Variants in PARD3B observed in about 807,000 individuals in gnomAD.
The protein encoded by PARD3B is par-3 family cell polarity regulator beta.
A neutral mutation model predicts 130.2 loss-of-function variants in PARD3B; 103 were observed. The ratio of observed to expected loss-of-function variants is 0.79; its 90% CI spans 0.67 to 0.93. PARD3B has a LOEUF of 0.93. PARD3B is among the 40% of genes least tolerant of loss of function. The pLI is 0.00. For missense variants in PARD3B, 1,609 were observed against 1,499.2 expected (o/e 1.07, Z -1.21); for synonymous variants, 583 against 553.2 (o/e 1.05, Z -0.76).
rs374830354 is a variant in PARD3B, at chr2:205,142,044, T to C, written c.1434+16307T>C. Among the ~76,000 whole-genome samples the C allele has an allele frequency of 9.9e-5, 15 of 152,174 alleles. No homozygotes were observed. The highest frequency in any genetic ancestry group is 9.6e-4 in the East Asian group (5 of 5,196). ...AAACATAAAAATGGAGTGGTCTCTG[T>C]TGCCCTTAAAGTCCTTAAAGATGTA... is the stretch of plus-strand genomic sequence containing the variant. On this transcript the variant is annotated intron_variant, in intron 10 of 22. Coordinates refer to ENST00000406610, the MANE Select transcript of PARD3B (RefSeq NM_001302769.2). This position sits in a 1 kb window ranked among gnomAD's most constrained non-coding sequence, Gnocchi z 4.3.
chr2:205,565,956 A>C (rs189547421), intron 22 of PARD3B, among the ~76,000 whole-genome samples: 1 of 152,126 alleles, frequency 6.6e-6, no homozygotes, highest in Admixed American at 6.6e-5. Flanking sequence ...AGAAAATAGA[A>C]TGTGAAATTG....
intron 2 of PARD3B, among the ~76,000 whole-genome samples, chr2:204,866,735 A>G (rs1196489300): frequency 6.6e-6 from 1 of 151,990 alleles, no homozygotes; most frequent in African/African-American, 2.4e-5. Flanking sequence ...GTATATATAT[A>G]TTTAAATCAC....
chr2:205,250,717 T>C (rs1408440909), intron 16 of PARD3B, among the ~76,000 whole-genome samples: 1 of 152,002 alleles, frequency 6.6e-6, no homozygotes, highest in Admixed American at 6.5e-5. Context: ...TCATTTGAGA[T>C]CAGGAGTTTG....
At chr2:205,215,519 G>C (rs1047107270) in intron 15 of PARD3B, among the ~76,000 whole-genome samples, 1 of 152,002 alleles carries the variant, frequency 6.6e-6, no homozygotes, top group Non-Finnish European at 1.5e-5. Flanking sequence ...AATTGGAAAA[G>C]TATATGACAA....
intron 4 of PARD3B, among the ~76,000 whole-genome samples, chr2:205,096,331 A>G (rs1444026561): frequency 6.6e-6 from 1 of 152,180 alleles, no homozygotes; most frequent in African/African-American, 2.4e-5. Context: ...AACTTATATT[A>G]GAATCTGTGT....
At chr2:205,225,520 G>A (rs887794107) in intron 15 of PARD3B, among the ~76,000 whole-genome samples, 3 of 152,042 alleles carry the variant, frequency 2.0e-5, no homozygotes, top group Admixed American at 6.6e-5. Context: ...TTTTCAGATG[G>A]TATATTAGTC....
At chr2:205,333,878 T>A (rs1466522850) in intron 18 of PARD3B, among the ~76,000 whole-genome samples, 1 of 152,190 alleles carries the variant, frequency 6.6e-6, no homozygotes, top group East Asian at 1.9e-4. Flanking sequence ...GGTATATTTG[T>A]TACTGAAATT....
At chr2:204,565,453 T>G (rs1403700664) in intron 1 of PARD3B, among the ~76,000 whole-genome samples, 8 of 152,300 alleles carry the variant, frequency 5.3e-5, no homozygotes, top group Middle Eastern at 3.4e-3. Flanking sequence ...TACCATACAT[T>G]GGTCATTTGG....
At chr2:204,732,084 T>G (rs1260260288) in intron 2 of PARD3B, among the ~76,000 whole-genome samples, 1 of 10,224 alleles carries the variant, frequency 9.8e-5, no homozygotes, top group Non-Finnish European at 3.5e-4. Context: ...ATAATTGTGG[T>G]TTTTTTTTTT....
At chr2:204,699,946 AT>A (rs1409725875) in intron 2 of PARD3B, among the ~76,000 whole-genome samples, 1 of 152,118 alleles carries the variant, frequency 6.6e-6, no homozygotes, top group African/African-American at 2.4e-5. Flanking sequence ...AAACCTTAGT[AT>A]TTTTTATATG....
chr2:204,802,161 G>T (rs185697111), intron 2 of PARD3B, among the ~76,000 whole-genome samples: 1 of 151,960 alleles, frequency 6.6e-6, no homozygotes, highest in Non-Finnish European at 1.5e-5. Flanking sequence ...GAAAACAACC[G>T]CATCAAAAAG....
rs73066612 is a variant in PARD3B, at chr2:204,784,122, C to T, written c.222+97840C>T. Reference sequence around the variant, plus strand: ...AGGGCTTAGATGTGGGCTGTCTGCACACTTGATAAGCGAGTGATTGTTAAA... The same window carrying T: ...AGGGCTTAGATGTGGGCTGTCTGCATACTTGATAAGCGAGTGATTGTTAAA... On this transcript the variant is annotated intron_variant, in intron 2 of 22. Transcript: ENST00000406610. 3.6e-3 allele frequency among the ~76,000 whole-genome samples: 541 copies of T among 152,232 alleles called. 2 individuals carry two copies. Among genetic ancestry groups the T allele is most frequent in the African/African-American group, 0.012 (499 of 41,540 alleles).
intron 3 of PARD3B, among the ~76,000 whole-genome samples, chr2:205,042,337 G>C (rs751530877): frequency 2.0e-4 from 31 of 152,214 alleles, no homozygotes; most frequent in South Asian, 1.0e-3. Flanking sequence ...TGGCTTGACT[G>C]GTGTTAATTG....
intron 2 of PARD3B, among the ~76,000 whole-genome samples, chr2:204,922,017 G>A (rs1290669329): frequency 6.6e-6 from 1 of 152,034 alleles, no homozygotes. Context: ...CATGGAACAG[G>A]GTACTGTGGA....
chr2:205,530,496 T>C lies in PARD3B; in HGVS notation c.3181-22828T>C, dbSNP rs891308361. On this transcript the variant is annotated intron_variant, in intron 21 of 22. Transcript: ENST00000406610. This position sits in a 1 kb window ranked among gnomAD's most constrained non-coding sequence, Gnocchi z 4.7. ...TTTTATTTTCTCCTTTTCTGCTTTG[T>C]CTGCTTTCTTCCAGAATACAGCGTG... 2.6e-5 allele frequency among the ~76,000 whole-genome samples: 4 copies of C among 152,216 alleles called. No homozygotes were observed. Among genetic ancestry groups the C allele is most frequent in the Admixed American group, 1.3e-4 (2 of 15,274 alleles).
At chr2:205,201,612 C>A (rs2036993260) in intron 15 of PARD3B, among the ~76,000 whole-genome samples, 1 of 152,254 alleles carries the variant, frequency 6.6e-6, no homozygotes, top group South Asian at 2.1e-4. Flanking sequence ...CCAAGGCGGG[C>A]AGATCACCTG....
intron 2 of PARD3B, among the ~76,000 whole-genome samples, chr2:204,853,469 C>G (rs934337766): frequency 1.3e-5 from 2 of 152,044 alleles, no homozygotes; most frequent in Non-Finnish European, 2.9e-5. Flanking sequence ...CAGCAAACTG[C>G]AATAATCATT....
At chr2:205,100,567 A>G (rs1013516623) in intron 4 of PARD3B, among the ~76,000 whole-genome samples, 6 of 152,128 alleles carry the variant, frequency 3.9e-5, no homozygotes, top group Non-Finnish European at 7.4e-5. Context: ...GAAGAATCAC[A>G]CATCCTGATT....
rs143057397 is a variant in PARD3B, at chr2:204,701,780, G to T, written c.222+15498G>T. On this transcript the variant is annotated intron_variant, in intron 2 of 22. Transcript: ENST00000406610. ...TTTTAGCTTCAGGGGGTACATGTAC[G>T]GGTTTGTTACCCGAGTATATTGCAT... 3.4e-3 allele frequency among the ~76,000 whole-genome samples: 513 copies of T among 151,676 alleles called. 3 individuals carry two copies. The highest frequency in any genetic ancestry group is 0.012 in the African/African-American group (484 of 41,348).
Sources: gnomAD v4.1 joint callset for allele counts (sites outside exome capture counted in the v4.1 genomes callset) on GRCh38, gnomAD v4.1.1 for gene constraint, Gnocchi (gnomAD v3.1) non-coding constraint, MANE v1.5 for transcripts, NCBI Gene and HGNC (gene_info 2026-07-23, HGNC 2026-07-21) for gene names.